Variants in ADGRL3 observed in about 807,000 individuals in gnomAD.
ADGRL3 encodes adhesion G protein-coupled receptor L3, also known as calcium-independent alpha-latrotoxin receptor 3.
In ADGRL3, 62 loss-of-function variants were observed where a neutral mutation model predicts 153.5. The ratio of observed to expected loss-of-function variants is 0.40; its 90% CI spans 0.33 to 0.50. ADGRL3 has a LOEUF of 0.50. Ranked by LOEUF, ADGRL3 falls within the 20% of genes least tolerant of loss-of-function variation. The pLI is 0.47. For missense variants in ADGRL3, 1,641 were observed against 1,859.4 expected (o/e 0.88, Z 2.16); for synonymous variants, 710 against 672.5 (o/e 1.06, Z -0.86).
intron 8 of ADGRL3, among the ~76,000 whole-genome samples, chr4:61,781,705 A>G (rs2097216348): frequency 6.6e-6 from 1 of 152,178 alleles, no homozygotes; most frequent in African/African-American, 2.4e-5. Context: ...GTTTAAAATA[A>G]TATGAAATAG....
Position 61,739,956 on chromosome 4 carries a change from C to T in ADGRL3, c.1399+6402C>T, listed in dbSNP as rs78156375. Among the ~76,000 whole-genome samples, 644 of 152,262 alleles carry T rather than the reference C, an allele frequency of 4.2e-3. 5 individuals carry two copies. The highest frequency in any genetic ancestry group is 0.014 in the African/African-American group (597 of 41,558). ...TGACAAATTGTAGGGATTTCTTCAACTTGAAGAAAATGGAAAATATATTAT... is the reference window on the plus strand; with the variant it reads ...TGACAAATTGTAGGGATTTCTTCAATTTGAAGAAAATGGAAAATATATTAT... On this transcript the variant is annotated intron_variant, in intron 8 of 26. Transcript: ENST00000683033.
At chr4:61,262,410 G>T (rs140332178) in intron 1 of ADGRL3, among the ~76,000 whole-genome samples, 3 of 151,902 alleles carry the variant, frequency 2.0e-5, no homozygotes, top group Non-Finnish European at 4.4e-5. Context: ...ATCAGTTATG[G>T]TTTTACCAGA....
chr4:61,959,142 T>C (rs564177502), intron 17 of ADGRL3, among the ~76,000 whole-genome samples: 1 of 152,306 alleles, frequency 6.6e-6, no homozygotes, highest in South Asian at 2.1e-4. Flanking sequence ...TAAATCCAAA[T>C]GTCTGTTCAT....
chr4:61,513,781 G>A (rs906243689), intron 3 of ADGRL3, among the ~76,000 whole-genome samples: 1 of 152,102 alleles, frequency 6.6e-6, no homozygotes, highest in African/African-American at 2.4e-5. Flanking sequence ...AATCAAATAT[G>A]CAGTTTTTAA....
chr4:61,992,544 T>A (rs560068962), intron 19 of ADGRL3, among the ~76,000 whole-genome samples: 29 of 152,292 alleles, frequency 1.9e-4, no homozygotes, highest in Admixed American at 1.5e-3. Flanking sequence ...TGTGGCCATA[T>A]GGCAATCAAA....
chr4:61,826,433 A>G (rs1270074810), intron 9 of ADGRL3, among the ~76,000 whole-genome samples: 1 of 152,220 alleles, frequency 6.6e-6, no homozygotes, highest in Non-Finnish European at 1.5e-5. Flanking sequence ...CATGGAGTAC[A>G]CATTCTAGAC....
intron 4 of ADGRL3, among the ~76,000 whole-genome samples, chr4:61,521,631 A>G (rs1325130510): frequency 6.6e-6 from 1 of 152,150 alleles, no homozygotes; most frequent in African/African-American, 2.4e-5. Context: ...AGTAGTGATG[A>G]TGATGGCCAA....
At chr4:61,686,253 G>A (rs776695412) in intron 6 of ADGRL3, among the ~76,000 whole-genome samples, 1 of 152,028 alleles carries the variant, frequency 6.6e-6, no homozygotes, top group African/African-American at 2.4e-5. Flanking sequence ...AAGAAGAATA[G>A]TAAAAGACAT....
intron 6 of ADGRL3, among the ~76,000 whole-genome samples, chr4:61,726,497 C>T (rs900883254): frequency 6.6e-6 from 1 of 152,044 alleles, no homozygotes; most frequent in East Asian, 1.9e-4. Flanking sequence ...CCACGCCCAG[C>T]CTGGAACATT....
intron 1 of ADGRL3, among the ~76,000 whole-genome samples, chr4:61,278,200 T>A (rs2093565093): frequency 6.6e-6 from 1 of 152,146 alleles, no homozygotes; most frequent in Non-Finnish European, 1.5e-5. Context: ...ATGTCATGAA[T>A]CATGTTTATA....
At chr4:61,804,346 C>G (rs1235903708) in intron 8 of ADGRL3, among the ~76,000 whole-genome samples, 1 of 152,094 alleles carries the variant, frequency 6.6e-6, no homozygotes, top group African/African-American at 2.4e-5. Flanking sequence ...CCTGACAGAT[C>G]CTCTCACAGA....
intron 1 of ADGRL3, among the ~76,000 whole-genome samples, chr4:61,345,874 A>T (rs2095890723): frequency 6.6e-6 from 1 of 152,166 alleles, no homozygotes; most frequent in South Asian, 2.1e-4. Context: ...CATGAGTTGT[A>T]GATTTTTGTC....
chr4:61,711,723 G>T, intron 6 of ADGRL3, among the ~76,000 whole-genome samples: 1 of 151,724 alleles, frequency 6.6e-6, no homozygotes, highest in Non-Finnish European at 1.5e-5. Flanking sequence ...AACTGGTTTG[G>T]TTACAGTTAA....
At chr4:61,566,901 A>G (rs2098818596) in intron 4 of ADGRL3, among the ~76,000 whole-genome samples, 1 of 152,178 alleles carries the variant, frequency 6.6e-6, no homozygotes, top group African/African-American at 2.4e-5. Context: ...TAACTTATAT[A>G]ACGTAGAATT....
chr4:62,006,003 C>CGT (rs2099156841), intron 21 of ADGRL3, among the ~76,000 whole-genome samples: 4 of 49,020 alleles, frequency 8.2e-5, no homozygotes, highest in Non-Finnish European at 1.1e-4. Context: ...CACACACACA[C>CGT]ATATATATAT....
rs766739953 is a variant in ADGRL3, at chr4:62,044,535, C to T, written c.3800C>T (p.Ala1267Val). 3.5e-5 allele frequency: 56 copies of T among 1,584,578 alleles called. No individual in the cohort carries two copies. The highest frequency in any genetic ancestry group is 3.3e-4 in the Middle Eastern group (2 of 6,050). The change falls in exon 25 of 27, where the codon GCG (alanine) becomes GTG (valine). Residue 1267 changes from alanine to valine, a missense_variant. Transcript: ENST00000683033. ...SFITGDINSS[A>V]SLNREPYRET... ...ATTACTGGAGACATAAACAGTTCAG[C>T]GTCACTCAACAGAGGTAATTAGAAA...
intron 9 of ADGRL3, among the ~76,000 whole-genome samples, chr4:61,872,935 A>T (rs1012572441): frequency 6.6e-6 from 1 of 152,250 alleles, no homozygotes; most frequent in Non-Finnish European, 1.5e-5. Flanking sequence ...TAAAGAAATT[A>T]CAATGCTTTC....
chr4:61,774,312 G>A (rs1317547744), intron 8 of ADGRL3, among the ~76,000 whole-genome samples: 8 of 147,784 alleles, frequency 5.4e-5, no homozygotes, highest in Middle Eastern at 3.6e-3. Context: ...AGCCAAGATC[G>A]CGCCATTGCA....
intron 9 of ADGRL3, among the ~76,000 whole-genome samples, chr4:61,890,511 G>A (rs934701792): frequency 6.7e-6 from 1 of 149,974 alleles, no homozygotes; most frequent in Admixed American, 6.6e-5. Context: ...AAGGGCAAGA[G>A]AGCATACAGT....
Sources: gnomAD v4.1 joint callset for allele counts (sites outside exome capture counted in the v4.1 genomes callset) on GRCh38, gnomAD v4.1.1 for gene constraint, MANE v1.5 for transcripts, NCBI Gene and HGNC (gene_info 2026-07-23, HGNC 2026-07-21) for gene names.